MFSD11: variants seen among roughly 807,000 people sequenced by gnomAD.
The protein encoded by MFSD11 is UNC93-like protein MFSD11.
A neutral mutation model predicts 53.5 loss-of-function variants in MFSD11; 36 were observed. The ratio of observed to expected loss-of-function variants is 0.67; its 90% CI spans 0.52 to 0.89. The LOEUF is 0.89. Among genes scored for constraint, MFSD11 ranks in the 40% least tolerant of loss-of-function variants. MFSD11 has a pLI of 0.00. For synonymous variants in MFSD11, 186 were observed against 184.9 expected, an observed-to-expected ratio of 1.01 and a Z score of -0.05; for missense variants, 530 against 543.9, an observed-to-expected ratio of 0.97 and a Z score of 0.25.
At chr17:76,740,685 G>C (rs1004761079) in intron 2 of MFSD11, among the ~76,000 whole-genome samples, 6 of 152,144 alleles carry the variant, frequency 3.9e-5, no homozygotes, top group African/African-American at 1.2e-4. Context: ...TAAGGTACTT[G>C]GCACAGTTCC....
chr17:76,741,174 G>C, intron 3 of MFSD11, 110 bp downstream of exon 3: 2 of 734,780 alleles, frequency 2.7e-6, no homozygotes, highest in South Asian at 3.5e-5. Flanking sequence ...GAATATAGGT[G>C]GTATTTTACG....
intron 8 of MFSD11, among the ~76,000 whole-genome samples, chr17:76,758,859 T>C (rs2079912272): frequency 6.6e-6 from 1 of 151,950 alleles, no homozygotes; most frequent in South Asian, 2.1e-4. Flanking sequence ...CCACACACAG[T>C]TGAAAATACA....
chr17:76,738,097 T>G (rs1323666519), upstream of MFSD11: 20 of 498,358 alleles, frequency 4.0e-5, no homozygotes, highest in Non-Finnish European at 6.3e-5. Context: ...GCGGATAAAT[T>G]CTTGGCGCTT....
intron 8 of MFSD11, among the ~76,000 whole-genome samples, chr17:76,757,658 A>G (rs183291327): frequency 1.3e-3 from 199 of 152,298 alleles, no homozygotes; most frequent in African/African-American, 4.5e-3. Context: ...TGATTTTTTG[A>G]TCTTGAGGAA....
intron 8 of MFSD11, among the ~76,000 whole-genome samples, chr17:76,764,056 G>A (rs1240759537): frequency 6.6e-6 from 1 of 151,834 alleles, no homozygotes; most frequent in Non-Finnish European, 1.5e-5. Flanking sequence ...ATAGAGATGG[G>A]GTTTTACCAT....
the MFSD11 span, among the ~76,000 whole-genome samples, chr17:76,796,269 C>T: frequency 5.3e-5 from 8 of 152,116 alleles, no homozygotes; most frequent in East Asian, 5.8e-4. Flanking sequence ...GAAGCCTTTT[C>T]GGACCACAGC....
At chr17:76,793,493 A>G in the MFSD11 span, among the ~76,000 whole-genome samples, 1 of 151,420 alleles carries the variant, frequency 6.6e-6, no homozygotes, top group African/African-American at 2.5e-5. Flanking sequence ...TCTTTTTTCA[A>G]GGTGCCCAGA....
chr17:76,746,852 GT>G (rs1036886605), intron 7 of MFSD11, among the ~76,000 whole-genome samples: 47 of 152,194 alleles, frequency 3.1e-4, no homozygotes, highest in African/African-American at 1.1e-3. Context: ...GGAGATGAAT[GT>G]TGTTTTCATG....
chr17:76,769,312 C>A, intron 9 of MFSD11: 1 of 155,638 alleles, frequency 6.4e-6, no homozygotes, highest in Non-Finnish European at 1.4e-5. Flanking sequence ...TGCCACCATG[C>A]GCAGCTTGTG....
chr17:76,751,405 C>A (rs886862795), intron 7 of MFSD11, among the ~76,000 whole-genome samples: 6 of 150,570 alleles, frequency 4.0e-5, no homozygotes, highest in African/African-American at 1.2e-4. Context: ...AAAAAAAAAT[C>A]TTTCTAGGAT....
chr17:76,736,859 C>T (rs2143945127), upstream of MFSD11: 1 of 1,609,274 alleles, frequency 6.2e-7, no homozygotes, highest in Non-Finnish European at 8.5e-7. Context: ...TCCCCGGCGG[C>T]TGTGGTGTGA....
At chr17:76,770,869 A>G (rs2081323230) in intron 10 of MFSD11, among the ~76,000 whole-genome samples, 1 of 152,170 alleles carries the variant, frequency 6.6e-6, no homozygotes, top group African/African-American at 2.4e-5. Context: ...AGCTCCTCCA[A>G]CCCTGTTTAG....
intron 7 of MFSD11, 132 bp from the exon 8 acceptor site, chr17:76,753,915 C>G: frequency 1.5e-6 from 1 of 671,686 alleles, no homozygotes; most frequent in Non-Finnish European, 2.5e-6. Context: ...AAGGAGCATT[C>G]GAGTCACTGG....
intron 8 of MFSD11, among the ~76,000 whole-genome samples, chr17:76,765,645 G>C (rs559273238): frequency 3.1e-4 from 47 of 151,542 alleles, no homozygotes; most frequent in Non-Finnish European, 5.5e-4. Context: ...GTAGTGTTTT[G>C]TAGAGACAGG....
Position 76,744,369 on chromosome 17 carries a change from G to A in MFSD11, c.544G>A (p.Val182Met). The A allele has an allele frequency of 6.2e-7, 1 of 1,614,112 alleles. No homozygotes were observed. The highest frequency in any genetic ancestry group is 1.1e-5 in the South Asian group (1 of 91,080). ...TATTGCCCTAACGGTGATTAGCCTT[G>A]TGGGGACAGTTCTATTCTTTCTCAT... ...VFIALTVISL[V>M]GTVLFFLIRK... The change falls in exon 7 of 13, where the codon GTG (valine) becomes ATG (methionine). Residue 182 changes from valine (V) to methionine (M), a missense_variant. Val to Met is a conservative substitution (Grantham distance 21, BLOSUM62 1). Transcript: ENST00000685175.
At chr17:76,744,713 G>T (rs2078393432) in intron 7 of MFSD11, among the ~76,000 whole-genome samples, 1 of 152,206 alleles carries the variant, frequency 6.6e-6, no homozygotes, top group Non-Finnish European at 1.5e-5. Flanking sequence ...ACTGATGTGT[G>T]TGACCCTGGA....
rs2143991572 is a variant in MFSD11, at chr17:76,738,134, C to T, written c.-219C>T. 2 of 566,930 alleles carry T rather than the reference C, an allele frequency of 3.5e-6. No individual in the cohort carries two copies. Among genetic ancestry groups the T allele is most frequent in the Middle Eastern group, 4.7e-4 (1 of 2,146 alleles). The allele number at this position is 566,930 out of a possible 1,614,324, so 35.1% of individuals were successfully genotyped here. A position where few individuals can be genotyped will look rare whatever the true frequency, so the allele number is the denominator to read the frequency against. The stretch of plus-strand genomic sequence containing the variant: ...TCCGGGGGTTGTGCTCTTCCGTACT[C>T]GGATCGCTTCTTAGGAGTATCCTAA... On this transcript the variant is annotated 5_prime_UTR_variant, in exon 1 of 13. Coordinates refer to ENST00000685175, the MANE Select transcript of MFSD11 (RefSeq NM_001242532.5).
downstream of MFSD11, among the ~76,000 whole-genome samples, chr17:76,784,529 CT>C (rs1300111951): frequency 2.0e-5 from 3 of 148,912 alleles, no homozygotes; most frequent in Non-Finnish European, 4.4e-5. Context: ...GAGACTCCAT[CT>C]CAAAAAAAAA....
At chr17:76,752,372 T>C (rs2079130020) in intron 7 of MFSD11, among the ~76,000 whole-genome samples, 1 of 151,998 alleles carries the variant, frequency 6.6e-6, no homozygotes, top group African/African-American at 2.4e-5. Context: ...TCGGCAGTAG[T>C]CTTGGTAAAC....
Sources: allele counts gnomAD v4.1 joint callset (sites outside exome capture counted in the v4.1 genomes callset), GRCh38; gene constraint gnomAD v4.1.1; transcripts MANE v1.5; gene names NCBI Gene and HGNC (gene_info 2026-07-23, HGNC 2026-07-21).